The following IFT70B variants were observed in gnomAD, a reference collection of about 807,000 sequenced individuals.
The protein encoded by IFT70B is intraflagellar transport protein 70B.
At chr2:177,549,443 A>G in the IFT70B span, 1 of 152,218 alleles carries the variant, frequency 6.6e-6, no homozygotes, top group Non-Finnish European at 1.5e-5. Context: ...GGAAAAAATC[A>G]TCTCATTATG....
At chr2:177,550,124 T>C in the IFT70B span, 1 of 152,222 alleles carries the variant, frequency 6.6e-6, no homozygotes, top group Non-Finnish European at 1.5e-5. Flanking sequence ...TTTAAATTAT[T>C]AAAGGGAACA....
chr2:177,550,750 C>T, the IFT70B span: 1 of 1,550,028 alleles, frequency 6.5e-7, no homozygotes, highest in Non-Finnish European at 8.7e-7. Flanking sequence ...TTGATAAATG[C>T]CACTATCAGC....
At chr2:177,549,823 T>C in the IFT70B span, 2 of 152,174 alleles carry the variant, frequency 1.3e-5, no homozygotes, top group African/African-American at 4.8e-5. Flanking sequence ...TTCAAGAGGC[T>C]ACAACATGGA....
chr2:177,551,577 TGTATG>T, the IFT70B span: 23 of 1,614,192 alleles, frequency 1.4e-5, no homozygotes, highest in Middle Eastern at 4.9e-4. Flanking sequence ...TTCCTGTACT[TGTATG>T]GTAAGTTTCC....
At chr2:177,551,029 C>A in the IFT70B span, 1 of 1,614,104 alleles carries the variant, frequency 6.2e-7, no homozygotes, top group Non-Finnish European at 8.5e-7. Context: ...GTGTCTGTTC[C>A]CAGCTTTTTG....
the IFT70B span, chr2:177,550,901 A>T: frequency 6.2e-7 from 1 of 1,614,126 alleles, no homozygotes. Flanking sequence ...TTCTGCCATG[A>T]AGTTCACAGT....
At chr2:177,550,909 A>G in the IFT70B span, 8 of 1,614,164 alleles carry the variant, frequency 5.0e-6, no homozygotes, top group Admixed American at 1.3e-4. Flanking sequence ...TGAAGTTCAC[A>G]GTGTTCTAGA....
At chr2:177,552,706 G>A in the IFT70B span, 5 of 1,596,252 alleles carry the variant, frequency 3.1e-6, no homozygotes, top group African/African-American at 1.3e-5. Flanking sequence ...CGGATGAGGC[G>A]GTACACGACC....
the IFT70B span, chr2:177,551,898 G>A: frequency 1.2e-6 from 2 of 1,614,102 alleles, no homozygotes; most frequent in Non-Finnish European, 1.7e-6. Context: ...GTTGTGTAGG[G>A]TCACAGGGTC....
At chr2:177,552,652 G>T in the IFT70B span, 111 of 1,590,358 alleles carry the variant, frequency 7.0e-5, no homozygotes, top group East Asian at 1.8e-3. Context: ...CTCCGCTGCA[G>T]TTCTCCGCCC....
At chr2:177,551,644 C>A in the IFT70B span, 1 of 1,614,206 alleles carries the variant, frequency 6.2e-7, no homozygotes, top group Non-Finnish European at 8.5e-7. Context: ...ATGAAAGCCT[C>A]TTCAGGAGCT....
the IFT70B span, chr2:177,552,270 T>C: frequency 6.8e-6 from 11 of 1,614,246 alleles, no homozygotes; most frequent in Non-Finnish European, 9.3e-6. Context: ...TCCCTCCTTG[T>C]AGAGCAAACA....
chr2:177,550,635 C>A, the IFT70B span: 1 of 751,934 alleles, frequency 1.3e-6, no homozygotes, highest in Non-Finnish European at 1.9e-6. Context: ...AAAGTTTTAG[C>A]TACTTTTTTT....
chr2:177,550,736 C>A, the IFT70B span: 2 of 1,526,408 alleles, frequency 1.3e-6, no homozygotes, highest in Non-Finnish European at 1.8e-6. Flanking sequence ...CATAACAAAG[C>A]CATTTGATAA....
chr2:177,551,046 G>A, the IFT70B span: 2 of 1,614,134 alleles, frequency 1.2e-6, no homozygotes, highest in Middle Eastern at 1.6e-4. Flanking sequence ...TTTGTTGTAA[G>A]GTTCCAAGCT....
the IFT70B span, chr2:177,552,477 G>A: frequency 6.2e-7 from 1 of 1,611,150 alleles, no homozygotes. Flanking sequence ...GGTGGCCTCC[G>A]CATAAAGGCA....
the IFT70B span, chr2:177,550,793 A>T: frequency 6.2e-6 from 10 of 1,610,368 alleles, no homozygotes; most frequent in Non-Finnish European, 8.5e-6. Flanking sequence ...TAATCTCATA[A>T]ATCAAAGCTT....
At chr2:177,550,905 TCA>T in the IFT70B span, 33 of 1,614,050 alleles carry the variant, frequency 2.0e-5, no homozygotes, top group South Asian at 3.0e-4. Flanking sequence ...GCCATGAAGT[TCA>T]CAGTGTTCTA....
chr2:177,552,407 T>C, the IFT70B span: 1 of 1,613,774 alleles, frequency 6.2e-7, no homozygotes, highest in Non-Finnish European at 8.5e-7. Context: ...TGATAGCAGC[T>C]TGCAGGCGGA....
Sources: gnomAD v4.1 joint callset for allele counts on GRCh38, gnomAD v4.1.1 for gene constraint, MANE v1.5 for transcripts, NCBI Gene and HGNC (gene_info 2026-07-23, HGNC 2026-07-21) for gene names.